The following SLC8A1 variants were observed in gnomAD, a reference collection of about 807,000 sequenced individuals.
SLC8A1 encodes the protein solute carrier family 8 member A1.
Under a neutral mutation model 68.3 loss-of-function variants are expected in SLC8A1, and 18 were observed. The ratio of observed to expected loss-of-function variants is 0.26; its 90% CI spans 0.18 to 0.39. The LOEUF (loss-of-function observed/expected upper bound fraction) is 0.39. SLC8A1 is among the 10% of genes least tolerant of loss of function. The pLI, the probability that SLC8A1 is intolerant of heterozygous loss-of-function variation, is 1.00. For synonymous variants in SLC8A1, 475 were observed against 415.5 expected, an observed-to-expected ratio of 1.14 and a Z score of -1.74; for missense variants, 985 against 1,156.7, an observed-to-expected ratio of 0.85 and a Z score of 2.15.
intron 2 of SLC8A1, among the ~76,000 whole-genome samples, chr2:40,291,825 G>C (rs1049634384): frequency 1.3e-5 from 2 of 151,620 alleles, no homozygotes; most frequent in African/African-American, 4.9e-5. Flanking sequence ...AGCTAAAATG[G>C]ATGTACTCTT....
At chr2:40,484,918 G>A (rs1474591512) in intron 1 of SLC8A1, among the ~76,000 whole-genome samples, 1 of 152,178 alleles carries the variant, frequency 6.6e-6, no homozygotes. Flanking sequence ...TGCATTGCTT[G>A]CATCCTATAT....
intron 1 of SLC8A1, among the ~76,000 whole-genome samples, chr2:40,487,857 T>C (rs1227017318): frequency 2.0e-5 from 3 of 152,116 alleles, no homozygotes; most frequent in Admixed American, 2.0e-4. Flanking sequence ...AACAGACACA[T>C]GCTTAATCAC....
At chr2:40,226,849 C>T (rs2059042120) in intron 2 of SLC8A1, among the ~76,000 whole-genome samples, 1 of 152,122 alleles carries the variant, frequency 6.6e-6, no homozygotes. Context: ...TAATAGAAGG[C>T]AAGTGTAGTA....
intron 2 of SLC8A1, among the ~76,000 whole-genome samples, chr2:40,310,351 ACAAG>A (rs1488091721): frequency 2.0e-5 from 3 of 152,218 alleles, no homozygotes; most frequent in Non-Finnish European, 2.9e-5. Flanking sequence ...TGCCCAGAAC[ACAAG>A]CAAGAAACAG....
intron 1 of SLC8A1, among the ~76,000 whole-genome samples, chr2:40,460,975 A>T (rs932749055): frequency 3.3e-5 from 5 of 152,322 alleles, no homozygotes; most frequent in African/African-American, 1.2e-4. Flanking sequence ...ATGACCAAGG[A>T]TAAAGAGACC....
At chr2:40,391,905 TA>T (rs1685385657) in intron 2 of SLC8A1, among the ~76,000 whole-genome samples, 1 of 152,040 alleles carries the variant, frequency 6.6e-6, no homozygotes, top group African/African-American at 2.4e-5. Flanking sequence ...CCCCACTGAC[TA>T]AATGTCCTTT....
chr2:40,175,933 C>T (rs1404694004), intron 3 of SLC8A1: 1 of 414,228 alleles, frequency 2.4e-6, no homozygotes, highest in Non-Finnish European at 4.8e-6. Flanking sequence ...GAATTAACAC[C>T]TACTTGTGTC....
intron 2 of SLC8A1, among the ~76,000 whole-genome samples, chr2:40,222,247 A>C (rs766927971): frequency 6.6e-6 from 1 of 152,220 alleles, no homozygotes; most frequent in South Asian, 2.1e-4. Flanking sequence ...CTGATCTTTG[A>C]CAAACCTGAC....
intron 6 of SLC8A1, among the ~76,000 whole-genome samples, chr2:40,156,736 A>G (rs1018244663): frequency 7.3e-5 from 11 of 151,710 alleles, no homozygotes; most frequent in African/African-American, 2.7e-4. Flanking sequence ...AATATCTACT[A>G]TATAATGTGC....
At position 40,170,269 on chromosome 2, in the gene SLC8A1, T is replaced by C. The variant is rs998829943; in HGVS notation, c.1930+4556A>G. ...AGGCTGTGGTTTTCAAGGATCATGA[T>C]GAAATGAGTACCTGCAATGGTGATT... is the stretch of plus-strand genomic sequence containing the variant. On this transcript the variant is annotated intron_variant, in intron 4 of 7. Transcript: ENST00000406785. 17 of 1,612,280 alleles carry C rather than the reference T, an allele frequency of 1.1e-5. No homozygotes were observed. Among genetic ancestry groups the C allele is most frequent in the Non-Finnish European group, 1.4e-5 (17 of 1,178,596 alleles).
chr2:40,296,234 T>C (rs1310656216), intron 2 of SLC8A1, among the ~76,000 whole-genome samples: 1 of 152,128 alleles, frequency 6.6e-6, no homozygotes, highest in Admixed American at 6.6e-5. Context: ...TGCTAGAAAG[T>C]GCTTCGGTTA....
intron 2 of SLC8A1, among the ~76,000 whole-genome samples, chr2:40,351,930 A>G (rs747953499): frequency 1.8e-4 from 28 of 152,186 alleles, no homozygotes; most frequent in Non-Finnish European, 1.9e-4. Flanking sequence ...GACCACTCCT[A>G]TGTTATTTAA....
At chr2:40,456,607 T>G (rs2149889090), upstream of SLC8A1, among the ~76,000 whole-genome samples, 1 of 152,320 alleles carries the variant, frequency 6.6e-6, no homozygotes, top group Admixed American at 6.5e-5. Context: ...TCTCAATATC[T>G]TTGTTTGGAA....
intron 2 of SLC8A1, among the ~76,000 whole-genome samples, chr2:40,384,835 A>C (rs889962992): frequency 6.6e-6 from 1 of 151,950 alleles, no homozygotes; most frequent in Non-Finnish European, 1.5e-5. Flanking sequence ...CTTCTATTGC[A>C]ATTATTGTCT....
intron 2 of SLC8A1, among the ~76,000 whole-genome samples, chr2:40,222,926 T>C (rs946631776): frequency 5.9e-5 from 9 of 152,184 alleles, no homozygotes; most frequent in East Asian, 1.9e-4. Flanking sequence ...GTTGGGAGTA[T>C]AAATTAGTTC....
intron 2 of SLC8A1, among the ~76,000 whole-genome samples, chr2:40,383,761 C>A (rs1184535974): frequency 6.6e-6 from 1 of 152,150 alleles, no homozygotes; most frequent in East Asian, 1.9e-4. Context: ...AACAAAGGTA[C>A]AGATCCACAG....
At chr2:40,499,651 G>T (rs1254750284) in intron 1 of SLC8A1, among the ~76,000 whole-genome samples, 1 of 152,090 alleles carries the variant, frequency 6.6e-6, no homozygotes, top group Non-Finnish European at 1.5e-5. Flanking sequence ...GGAGCCAACT[G>T]CAGGCAACAG....
chr2:40,375,028 G>A (rs1679349441), intron 2 of SLC8A1, among the ~76,000 whole-genome samples: 1 of 151,920 alleles, frequency 6.6e-6, no homozygotes, highest in African/African-American at 2.4e-5. Context: ...CTCTACCTCT[G>A]GCTGCTTGAT....
chr2:40,157,938 A>G (rs987490444), intron 6 of SLC8A1, among the ~76,000 whole-genome samples: 2 of 152,212 alleles, frequency 1.3e-5, no homozygotes, highest in African/African-American at 2.4e-5. Flanking sequence ...AGGCCCAAGT[A>G]CTGAGCTATG....
Sources: gnomAD v4.1 joint callset for allele counts (sites outside exome capture counted in the v4.1 genomes callset) on GRCh38, gnomAD v4.1.1 for gene constraint, MANE v1.5 for transcripts, NCBI Gene and HGNC (gene_info 2026-07-23, HGNC 2026-07-21) for gene names.